The following MRM1 variants were observed in gnomAD, a reference collection of about 807,000 sequenced individuals.
MRM1 encodes the protein rRNA methyltransferase 1, mitochondrial.
A neutral mutation model predicts 25.0 loss-of-function variants in MRM1; 24 were observed. The ratio of observed to expected loss-of-function variants is 0.96; its 90% CI spans 0.69 to 1.35. The LOEUF (loss-of-function observed/expected upper bound fraction) is 1.35. MRM1 is among the 40% of genes most tolerant of loss of function. The probability of loss-of-function intolerance (pLI) is 0.00; values close to 1 mark genes in which losing one functional copy is unlikely to be tolerated. For missense variants in MRM1, 431 were observed against 464.1 expected, an observed-to-expected ratio of 0.93 and a Z score of 0.65; for synonymous variants, 188 against 199.2, an observed-to-expected ratio of 0.94 and a Z score of 0.47.
At chr17:36,632,865 G>C in the MRM1 span, among the ~76,000 whole-genome samples, 1 of 152,176 alleles carries the variant, frequency 6.6e-6, no homozygotes, top group Non-Finnish European at 1.5e-5. Flanking sequence ...AAGGGGATGC[G>C]GTGGGAGGAA....
At chr17:36,622,246 C>T in the MRM1 span, among the ~76,000 whole-genome samples, 72 of 152,134 alleles carry the variant, frequency 4.7e-4, no homozygotes, top group South Asian at 8.3e-4. Context: ...GATTTCCTTG[C>T]GATGTTAGAT....
chr17:36,604,198 C>G (rs190712094), intron 2 of MRM1, among the ~76,000 whole-genome samples: 289 of 152,302 alleles, frequency 1.9e-3, no homozygotes, highest in African/African-American at 6.1e-3. Flanking sequence ...AGCAAACATT[C>G]CCCTCTCACG....
At chr17:36,606,754 T>C (rs1421745994) in intron 2 of MRM1, among the ~76,000 whole-genome samples, 2 of 151,744 alleles carry the variant, frequency 1.3e-5, no homozygotes, top group African/African-American at 2.4e-5. Flanking sequence ...ACTACAGGCA[T>C]GTGCCACCAC....
the MRM1 span, among the ~76,000 whole-genome samples, chr17:36,632,410 T>C: frequency 1.3e-5 from 2 of 151,272 alleles, no homozygotes; most frequent in African/African-American, 4.9e-5. Context: ...AGAGAGTGGG[T>C]GTTGGACTTG....
chr17:36,622,033 G>C, the MRM1 span, among the ~76,000 whole-genome samples: 2 of 152,176 alleles, frequency 1.3e-5, no homozygotes, highest in African/African-American at 4.8e-5. Flanking sequence ...CAGGGGGCAT[G>C]GGGGGCTGGG....
downstream of MRM1, among the ~76,000 whole-genome samples, chr17:36,609,849 A>G (rs2074964422): frequency 1.3e-5 from 2 of 152,240 alleles, no homozygotes. Context: ...TCTGGAATCC[A>G]TCTGCATTGG....
In MRM1 at chr17:36,607,653, C is replaced by A. The variant is rs1238839921; in HGVS notation, c.637-17C>A. The stretch of plus-strand genomic sequence containing the variant: ...AAATAAAAAAAGAATTAGAACATAT[C>A]TTCTTCCCCCTTTCAGACCAAAGCC... On this transcript the variant is annotated splice_polypyrimidine_tract_variant and intron_variant, in intron 2 of 4. Coordinates refer to ENST00000614766, the MANE Select transcript of MRM1 (RefSeq NM_024864.5). The A allele has an allele frequency of 5.0e-6, 8 of 1,601,970 alleles. No homozygotes were observed. Among genetic ancestry groups the A allele is most frequent in the Non-Finnish European group, 6.8e-6 (8 of 1,175,710 alleles).
In MRM1 at chr17:36,602,294, G is replaced by C. The variant is rs2074882974; in HGVS notation, c.484G>C (p.Val162Leu). The change falls in exon 1 of 5, where the codon GTG becomes CTG. Residue 162 changes from valine to leucine, a missense_variant. Physicochemically the swap from Val to Leu is conservative, Grantham distance 32. Coordinates refer to ENST00000614766, the MANE Select transcript of MRM1 (RefSeq NM_024864.5). The surrounding 1 kb of genome is among the most constrained non-coding windows in gnomAD (Gnocchi z 4.1). The part of the protein sequence containing the change: ...GIQDPRNFGA[V>L]LRSAHFLGVD... ...CCAGGATCCCCGGAATTTTGGGGCT[G>C]TGCTGCGTTCCGCACACTTCCTCGG... The C allele has an allele frequency of 6.3e-7, 1 of 1,597,946 alleles. No individual in the cohort carries two copies. The highest frequency in any genetic ancestry group is 1.7e-5 in the Admixed American group (1 of 59,144).
chr17:36,601,845 G>C lies in MRM1; in HGVS notation c.35G>C (p.Trp12Ser), dbSNP rs1269874553. 1.3e-6 allele frequency: 2 copies of C among 1,590,114 alleles called. No individual in the cohort carries two copies. Among genetic ancestry groups the C allele is most frequent in the Non-Finnish European group, 8.5e-7 (1 of 1,170,024 alleles). ...ALLSTVRGATWGRLVTRHFSH... is the reference protein window; with the variant it reads ...ALLSTVRGATSGRLVTRHFSH... ...CTCTCGACCGTCCGGGGCGCGACCT[G>C]GGGTCGCCTCGTCACCCGTCATTTC... Residue 12 changes from tryptophan to serine, a missense_variant, in exon 1 of 5, where the codon TGG (tryptophan) becomes TCG (serine). By Grantham distance (177) the Trp-to-Ser change is radical. Transcript: ENST00000614766.
chr17:36,630,257 G>A, the MRM1 span, among the ~76,000 whole-genome samples: 1 of 152,158 alleles, frequency 6.6e-6, no homozygotes. Flanking sequence ...TTGGTGCCTG[G>A]GGGTGGAGGC....
chr17:36,624,444 G>A, the MRM1 span, among the ~76,000 whole-genome samples: 1 of 152,230 alleles, frequency 6.6e-6, no homozygotes, highest in Non-Finnish European at 1.5e-5. The surrounding 1 kb of genome is among the most constrained non-coding windows in gnomAD (Gnocchi z 4.0). Flanking sequence ...TGGAGACTCT[G>A]ATTGACAGTC....
chr17:36,615,762 G>A, the MRM1 span, among the ~76,000 whole-genome samples: 10 of 152,168 alleles, frequency 6.6e-5, no homozygotes, highest in African/African-American at 2.2e-4. Flanking sequence ...TTGGGAGGCC[G>A]AGGCAGGTGG....
downstream of MRM1, among the ~76,000 whole-genome samples, chr17:36,611,053 G>A (rs2074974156): frequency 6.6e-6 from 1 of 152,236 alleles, no homozygotes; most frequent in African/African-American, 2.4e-5. Flanking sequence ...GACCTCAGGT[G>A]ATCTGCCCGC....
In MRM1 at chr17:36,607,756, G is replaced by A; in HGVS notation, c.723G>A (p.Met241Ile). The change falls in exon 3 of 5, where the codon ATG becomes ATA. Residue 241 changes from methionine to isoleucine, a missense_variant. Coordinates refer to ENST00000614766, the MANE Select transcript of MRM1 (RefSeq NM_024864.5). ...EDPQSSEIPI[M>I]SCLEFLWERP... ...CCCAGTCCTCCGAGATCCCCATCAT[G>A]AGTTGCTTGGAGTTCCTCTGGGAAC... is the stretch of plus-strand genomic sequence containing the variant. 6.2e-7 allele frequency: 1 copy of A among 1,614,184 alleles called. No individual in the cohort carries two copies. Among genetic ancestry groups the A allele is most frequent in the Non-Finnish European group, 8.5e-7 (1 of 1,180,032 alleles).
the MRM1 span, among the ~76,000 whole-genome samples, chr17:36,627,185 T>C: frequency 6.6e-6 from 1 of 152,256 alleles, no homozygotes; most frequent in East Asian, 1.9e-4. Flanking sequence ...GGACGGGGAA[T>C]GCAAACACCT....
At chr17:36,625,390 C>T in the MRM1 span, among the ~76,000 whole-genome samples, 1 of 89,686 alleles carries the variant, frequency 1.1e-5, no homozygotes, top group Admixed American at 1.3e-4. Flanking sequence ...CTTCGCTCTT[C>T]GTCTTCTTTC....
rs2301676 is a variant in MRM1 at position 36,608,743 on chromosome 17, G to T, written c.*328G>T. 1.9e-4 allele frequency: 61 copies of T among 314,352 alleles called. 1 individual carries two copies. In the East Asian group the frequency reaches 3.0e-3, roughly 15 times the overall value. The allele number at this position is 314,352 out of a possible 1,614,324, so 19.5% of individuals were successfully genotyped here. A position where few individuals can be genotyped will look rare whatever the true frequency, so the allele number is the denominator to read the frequency against. Reference sequence around the variant, plus strand: ...AGAGAGGCAGGCAGCCCAGCCCAGGGGACCCGTTCCTCTTGAACCAGTCAT... The same window carrying T: ...AGAGAGGCAGGCAGCCCAGCCCAGGTGACCCGTTCCTCTTGAACCAGTCAT... On this transcript the variant is annotated 3_prime_UTR_variant, in exon 5 of 5. Transcript: ENST00000614766.
chr17:36,602,751 C>G lies in MRM1; in HGVS notation c.636+105C>G, dbSNP rs778851637. 21 of 1,413,170 alleles carry G rather than the reference C, an allele frequency of 1.5e-5. No individual in the cohort carries two copies. The highest frequency in any genetic ancestry group is 7.6e-5 in the Admixed American group (4 of 52,796). 87.5% of individuals were successfully genotyped at this position (1,413,170 alleles called of 1,614,324 possible). On this transcript the variant is annotated intron_variant, in intron 2 of 4. Coordinates refer to ENST00000614766, the MANE Select transcript of MRM1 (RefSeq NM_024864.5). The surrounding 1 kb of genome is among the most constrained non-coding windows in gnomAD (Gnocchi z 4.1). ...GGGAGAGAAAGGGGCATGTTGGCACCGCTTCCTTTGGCCTTCTAAATCCCT... is the reference window on the plus strand; with the variant it reads ...GGGAGAGAAAGGGGCATGTTGGCACGGCTTCCTTTGGCCTTCTAAATCCCT...
the MRM1 span, among the ~76,000 whole-genome samples, chr17:36,618,926 A>T: frequency 1.3e-5 from 2 of 152,102 alleles, no homozygotes; most frequent in South Asian, 4.1e-4. Flanking sequence ...TTTTGTTGTT[A>T]TTGTCTTAGC....
Sources: gnomAD v4.1 joint callset for allele counts (sites outside exome capture counted in the v4.1 genomes callset) on GRCh38, gnomAD v4.1.1 for gene constraint, Gnocchi (gnomAD v3.1) non-coding constraint, MANE v1.5 for transcripts, NCBI Gene and HGNC (gene_info 2026-07-23, HGNC 2026-07-21) for gene names.